Variants in NKAIN2 observed in about 807,000 individuals in gnomAD.
NKAIN2 encodes sodium/potassium transporting ATPase interacting 2.
NKAIN2 carries 14 observed loss-of-function variants against 32.6 expected under a neutral mutation model. The observed-to-expected ratio is 0.43, with a 90% CI of 0.28 to 0.67. NKAIN2 has a LOEUF of 0.67. Ranked by LOEUF, NKAIN2 falls within the 30% of genes least tolerant of loss-of-function variation. The pLI, the probability that NKAIN2 is intolerant of heterozygous loss-of-function variation, is 0.17. For missense variants in NKAIN2, 198 were observed against 258.3 expected (o/e 0.77, Z 1.60); for synonymous variants, 80 against 87.2 (o/e 0.92, Z 0.46).
chr6:124,445,983 G>A (rs1775875507), intron 3 of NKAIN2, among the ~76,000 whole-genome samples: 1 of 152,076 alleles, frequency 6.6e-6, no homozygotes, highest in Non-Finnish European at 1.5e-5. Context: ...CATTCAATTT[G>A]TGTGCCTTCA....
chr6:124,654,546 C>G (rs1407793882), intron 3 of NKAIN2, among the ~76,000 whole-genome samples: 4 of 152,044 alleles, frequency 2.6e-5, no homozygotes, highest in Non-Finnish European at 2.9e-5. Flanking sequence ...TTTGGTGTTA[C>G]CATTTGGATT....
chr6:124,075,756 C>T lies in NKAIN2; in HGVS notation c.55-207249C>T, dbSNP rs565207101. ...GATTACAGGCACCCACCACCATGTCCGGCTAATTTTTGTATTTTTAGTACA... is the reference window on the plus strand; with the variant it reads ...GATTACAGGCACCCACCACCATGTCTGGCTAATTTTTGTATTTTTAGTACA... On this transcript the variant is annotated intron_variant, in intron 1 of 6. Transcript: ENST00000368417. 1.7e-4 allele frequency among the ~76,000 whole-genome samples: 26 copies of T among 152,114 alleles called. No individual in the cohort carries two copies. The East Asian group carries it at 2.5e-3, about 15-fold the overall frequency.
rs9385322 is a variant in NKAIN2, at chr6:124,344,521, T to A, written c.193-10746T>A. ...CTTTTATTTCATTGAGCAGTGGTTT[T>A]TAGTTCTCCTTGAAGAGGTCCTTCA... On this transcript the variant is annotated intron_variant, in intron 2 of 6. Transcript: ENST00000368417. Among the ~76,000 whole-genome samples the A allele has an allele frequency of 8.1e-3, 1,217 of 150,082 alleles. 20 individuals are homozygous for A. Among genetic ancestry groups the A allele is most frequent in the African/African-American group, 0.027 (1,117 of 40,850 alleles).
At chr6:123,895,909 A>G (rs1774257746) in intron 1 of NKAIN2, among the ~76,000 whole-genome samples, 1 of 152,120 alleles carries the variant, frequency 6.6e-6, no homozygotes, top group African/African-American at 2.4e-5. Context: ...TTAGAAAGGC[A>G]GCTGTTCACA....
chr6:124,406,090 A>G (rs943227769), intron 3 of NKAIN2, among the ~76,000 whole-genome samples: 2 of 151,324 alleles, frequency 1.3e-5, no homozygotes, highest in Non-Finnish European at 2.9e-5. Context: ...ATTAACATAC[A>G]ATAAACTGTA....
chr6:124,656,264 T>C lies in NKAIN2; in HGVS notation c.274-1922T>C, dbSNP rs145806385. Among the ~76,000 whole-genome samples the C allele has an allele frequency of 2.6e-5, 4 of 152,308 alleles. No homozygotes were observed. In the East Asian group the frequency reaches 7.7e-4, roughly 29 times the overall value. On this transcript the variant is annotated intron_variant, in intron 3 of 6. Transcript: ENST00000368417. Reference sequence around the variant, plus strand: ...CCAGATAATAACAAGTTATCCAAAGTCACTATAGTTTCCAAAGAAGTCTGT... The same window carrying C: ...CCAGATAATAACAAGTTATCCAAAGCCACTATAGTTTCCAAAGAAGTCTGT...
intron 4 of NKAIN2, among the ~76,000 whole-genome samples, chr6:124,677,771 G>A (rs1050847871): frequency 5.3e-5 from 8 of 151,882 alleles, no homozygotes; most frequent in African/African-American, 1.9e-4. Flanking sequence ...ACAGTATTCT[G>A]TATTTATCCC....
chr6:124,780,930 TCC>T (rs1779234386), intron 4 of NKAIN2, among the ~76,000 whole-genome samples: 1 of 152,198 alleles, frequency 6.6e-6, no homozygotes, highest in Non-Finnish European at 1.5e-5. Flanking sequence ...TCCTACATGC[TCC>T]AGGTTTCCCA....
intron 1 of NKAIN2, among the ~76,000 whole-genome samples, chr6:124,162,109 G>C (rs1788310828): frequency 6.6e-6 from 1 of 152,024 alleles, no homozygotes; most frequent in East Asian, 1.9e-4. Flanking sequence ...GTTAAATCTA[G>C]TTGTATCACT....
intron 1 of NKAIN2, among the ~76,000 whole-genome samples, chr6:124,090,536 G>A (rs550089336): frequency 1.3e-5 from 2 of 152,136 alleles, no homozygotes; most frequent in Admixed American, 1.3e-4. Flanking sequence ...CAGATGAGAT[G>A]ATAATAGGTG....
intron 2 of NKAIN2, among the ~76,000 whole-genome samples, chr6:124,319,917 G>C (rs753756592): frequency 6.6e-6 from 1 of 152,074 alleles, no homozygotes; most frequent in Non-Finnish European, 1.5e-5. Flanking sequence ...TCATCAGGCA[G>C]AGAAATTAGT....
At chr6:124,212,619 A>G (rs1284346072) in intron 1 of NKAIN2, among the ~76,000 whole-genome samples, 2 of 152,066 alleles carry the variant, frequency 1.3e-5, no homozygotes, top group African/African-American at 4.8e-5. Flanking sequence ...TATTTCCACA[A>G]TTCTAAATCA....
chr6:124,176,788 TAGTG>T (rs1181703969), intron 1 of NKAIN2, among the ~76,000 whole-genome samples: 2 of 152,174 alleles, frequency 1.3e-5, no homozygotes, highest in Non-Finnish European at 2.9e-5. Context: ...ATTTTATTAT[TAGTG>T]AGGTTGAATA....
At position 124,289,229 on chromosome 6, in the gene NKAIN2, G is replaced by A. The variant is rs75218518; in HGVS notation, c.192+6087G>A. ...GATTAATGCTGAACACTGAACTTCT[G>A]TTCACCAATTTAGGCCACTTTTTGT... On this transcript the variant is annotated intron_variant, in intron 2 of 6. Transcript: ENST00000368417. Among the ~76,000 whole-genome samples, 225 of 152,234 alleles carry A rather than the reference G, an allele frequency of 1.5e-3. No homozygotes were observed. In the East Asian group the frequency reaches 0.025, roughly 17 times the overall value.
intron 4 of NKAIN2, among the ~76,000 whole-genome samples, chr6:124,769,600 T>C (rs1411649777): frequency 6.6e-6 from 1 of 152,146 alleles, no homozygotes; most frequent in Non-Finnish European, 1.5e-5. Flanking sequence ...ATGAGGAAGA[T>C]TGTTTTCCCT....
At chr6:124,437,422 G>C (rs1261626360) in intron 3 of NKAIN2, among the ~76,000 whole-genome samples, 1 of 152,142 alleles carries the variant, frequency 6.6e-6, no homozygotes, top group African/African-American at 2.4e-5. Flanking sequence ...TTGATCACAA[G>C]CCGTTATGTT....
chr6:124,490,872 T>C (rs542379060), intron 3 of NKAIN2, among the ~76,000 whole-genome samples: 2 of 151,980 alleles, frequency 1.3e-5, no homozygotes, highest in African/African-American at 4.8e-5. Context: ...AAATTGATGA[T>C]GTTTTCAAAG....
At chr6:123,954,909 A>G (rs1777496614) in intron 1 of NKAIN2, among the ~76,000 whole-genome samples, 1 of 152,152 alleles carries the variant, frequency 6.6e-6, no homozygotes, top group Non-Finnish European at 1.5e-5. Context: ...GGAAGCTGTC[A>G]GCAGAGAAGA....
intron 3 of NKAIN2, among the ~76,000 whole-genome samples, chr6:124,493,851 C>A (rs779194934): frequency 1.3e-5 from 2 of 151,850 alleles, no homozygotes; most frequent in Non-Finnish European, 2.9e-5. Context: ...TTGACACGAC[C>A]CCTTACTTCA....
Sources: allele counts gnomAD v4.1 joint callset (sites outside exome capture counted in the v4.1 genomes callset), GRCh38; gene constraint gnomAD v4.1.1; transcripts MANE v1.5; gene names NCBI Gene and HGNC (gene_info 2026-07-23, HGNC 2026-07-21).